The following RAB3C variants were observed in gnomAD, a reference collection of about 807,000 sequenced individuals.
The protein encoded by RAB3C is RAB3C, member RAS oncogene family, also known as ras-related protein Rab-3C.
RAB3C carries 17 observed loss-of-function variants against 26.4 expected under a neutral mutation model. The ratio of observed to expected loss-of-function variants is 0.64; its 90% CI spans 0.44 to 0.97. RAB3C has a LOEUF of 0.97. RAB3C is among the 50% of genes least tolerant of loss of function. The pLI, the probability that RAB3C is intolerant of heterozygous loss-of-function variation, is 0.00. For missense variants in RAB3C, 242 were observed against 281.9 expected (o/e 0.86, Z 1.01); for synonymous variants, 91 against 95.9 (o/e 0.95, Z 0.30).
intron 3 of RAB3C, among the ~76,000 whole-genome samples, chr5:58,787,196 G>C (rs995571117): frequency 2.0e-5 from 3 of 152,226 alleles, no homozygotes; most frequent in African/African-American, 7.2e-5. Flanking sequence ...ATAGTTTTGC[G>C]TGGAGCTGCC....
intron 3 of RAB3C, among the ~76,000 whole-genome samples, chr5:58,754,264 T>C (rs993075597): frequency 6.6e-6 from 1 of 152,206 alleles, no homozygotes; most frequent in African/African-American, 2.4e-5. Context: ...AACAAAGGTC[T>C]TGTGGAAACT....
intron 3 of RAB3C, among the ~76,000 whole-genome samples, chr5:58,757,919 T>TTTGTTG (rs1312937885): frequency 1.4e-4 from 15 of 105,496 alleles, no homozygotes; most frequent in Non-Finnish European, 1.6e-4. Flanking sequence ...CTTATTTGTT[T>TTTGTTG]TTGTTGTTGT....
At chr5:58,673,652 G>A (rs1033278550) in intron 2 of RAB3C, among the ~76,000 whole-genome samples, 2 of 152,174 alleles carry the variant, frequency 1.3e-5, no homozygotes, top group Admixed American at 1.3e-4. Flanking sequence ...CAAAATGTCA[G>A]TTACCCACAT....
intron 2 of RAB3C, among the ~76,000 whole-genome samples, chr5:58,717,968 G>A (rs1444609321): frequency 6.6e-6 from 1 of 152,016 alleles, no homozygotes. Flanking sequence ...GCCTATTTTA[G>A]GGCAATAGTA....
rs1441698552 is a variant in RAB3C at position 58,851,902 on chromosome 5, G to A, written c.*551G>A. The A allele has an allele frequency of 1.3e-5, 2 of 152,138 alleles. No homozygotes were observed. Among genetic ancestry groups the A allele is most frequent in the African/African-American group, 2.4e-5 (1 of 41,442 alleles). The allele number at this position is 152,138 out of a possible 1,614,324, so 9.4% of individuals were successfully genotyped here. A position where few individuals can be genotyped will look rare whatever the true frequency, so the allele number is the denominator to read the frequency against. ...TCTGGTCAGTTTACTGTTGGGAACTGTGTCTTTATTTCACTGTTATTAATA... is the reference window on the plus strand; with the variant it reads ...TCTGGTCAGTTTACTGTTGGGAACTATGTCTTTATTTCACTGTTATTAATA... On this transcript the variant is annotated 3_prime_UTR_variant, in exon 5 of 5. Transcript: ENST00000282878.
At position 58,838,884 on chromosome 5, in the gene RAB3C, G is replaced by C. The variant is rs554306129; in HGVS notation, c.497-12280G>C. Among the ~76,000 whole-genome samples, 12 of 152,098 alleles carry C rather than the reference G, an allele frequency of 7.9e-5. No homozygotes were observed. In the East Asian group the frequency reaches 2.3e-3, roughly 29 times the overall value. On this transcript the variant is annotated intron_variant, in intron 4 of 4. Coordinates refer to ENST00000282878, the MANE Select transcript of RAB3C (RefSeq NM_138453.4). ...TTGCTTTATGTATCTGGGTGCTGTG[G>C]TGTCAGGTGCATATATATTTATAAG...
chr5:58,710,321 G>A (rs1048973878), intron 2 of RAB3C, among the ~76,000 whole-genome samples: 12 of 151,940 alleles, frequency 7.9e-5, no homozygotes, highest in South Asian at 2.1e-4. Flanking sequence ...TTTCCAGGCC[G>A]GGCGTGGTGG....
chr5:58,608,238 A>G (rs2111701241), intron 1 of RAB3C, among the ~76,000 whole-genome samples: 1 of 152,270 alleles, frequency 6.6e-6, no homozygotes, highest in East Asian at 1.9e-4. Context: ...ATGGAGGAAG[A>G]TCTACCAAGC....
intron 4 of RAB3C, among the ~76,000 whole-genome samples, chr5:58,850,212 G>A (rs989292753): frequency 4.6e-5 from 7 of 152,208 alleles, no homozygotes; most frequent in Non-Finnish European, 1.0e-4. Flanking sequence ...CTTCTGCCCA[G>A]GTACAGTGGC....
At chr5:58,642,757 G>A (rs1234513666) in intron 2 of RAB3C, among the ~76,000 whole-genome samples, 2 of 152,196 alleles carry the variant, frequency 1.3e-5, no homozygotes, top group African/African-American at 4.8e-5. Context: ...CCTCCCTAGA[G>A]AACTCACTCT....
chr5:58,641,261 A>C (rs1046094142), intron 2 of RAB3C, among the ~76,000 whole-genome samples: 7 of 152,212 alleles, frequency 4.6e-5, no homozygotes, highest in African/African-American at 1.2e-4. Context: ...GTGGTATTTA[A>C]GGAACAGGCT....
chr5:58,824,965 T>A, intron 3 of RAB3C, 73 bp from the exon 4 acceptor site: 1 of 1,000,694 alleles, frequency 1.0e-6, no homozygotes, highest in Admixed American at 2.4e-5. Flanking sequence ...ATCTGTGGAA[T>A]GTATTTCTTC....
At chr5:58,725,604 G>A (rs958019316) in intron 2 of RAB3C, among the ~76,000 whole-genome samples, 1 of 151,920 alleles carries the variant, frequency 6.6e-6, no homozygotes, top group African/African-American at 2.4e-5. Context: ...TTTGGTAGAA[G>A]AAATAAGATG....
At chr5:58,743,500 C>T (rs1461032298) in intron 3 of RAB3C, among the ~76,000 whole-genome samples, 1 of 151,972 alleles carries the variant, frequency 6.6e-6, no homozygotes, top group East Asian at 1.9e-4. Context: ...CACCCATCAA[C>T]CCATCATCTA....
At chr5:58,661,297 A>T (rs1261762575) in intron 2 of RAB3C, among the ~76,000 whole-genome samples, 1 of 150,276 alleles carries the variant, frequency 6.7e-6, no homozygotes, top group Non-Finnish European at 1.5e-5. Flanking sequence ...GCATCAAAAT[A>T]TCACTTGAAA....
chr5:58,769,303 A>T (rs1186993711), intron 3 of RAB3C, among the ~76,000 whole-genome samples: 1 of 152,142 alleles, frequency 6.6e-6, no homozygotes, highest in Non-Finnish European at 1.5e-5. Flanking sequence ...ATATTTGAGT[A>T]TGTAGTTCAG....
At chr5:58,631,263 C>T (rs901504220) in intron 2 of RAB3C, among the ~76,000 whole-genome samples, 2 of 152,148 alleles carry the variant, frequency 1.3e-5, no homozygotes, top group African/African-American at 4.8e-5. Flanking sequence ...GATGAATCCT[C>T]CTTCCTCCAT....
intron 2 of RAB3C, among the ~76,000 whole-genome samples, chr5:58,670,346 A>G (rs906568261): frequency 6.6e-6 from 1 of 152,078 alleles, no homozygotes; most frequent in Non-Finnish European, 1.5e-5. Flanking sequence ...TTTGGCTCAT[A>G]TATAATTTAA....
intron 2 of RAB3C, among the ~76,000 whole-genome samples, chr5:58,655,364 A>G (rs1220598040): frequency 6.6e-6 from 1 of 152,240 alleles, no homozygotes; most frequent in African/African-American, 2.4e-5. Flanking sequence ...GAAGAATTGT[A>G]TAAAAGGACA....
Sources: gnomAD v4.1 joint callset for allele counts (sites outside exome capture counted in the v4.1 genomes callset) on GRCh38, gnomAD v4.1.1 for gene constraint, MANE v1.5 for transcripts, NCBI Gene and HGNC (gene_info 2026-07-23, HGNC 2026-07-21) for gene names.